Variants in LY75 observed in about 807,000 individuals in gnomAD.
LY75 encodes C-type lectin domain family 13 member B.
LY75 carries 185 observed loss-of-function variants against 231.7 expected under a neutral mutation model. That is an observed-to-expected ratio of 0.80 (90% CI 0.71 to 0.90). The LOEUF is 0.90. Ranked by LOEUF, LY75 falls within the 40% of genes least tolerant of loss-of-function variation. The pLI, the probability that LY75 is intolerant of heterozygous loss-of-function variation, is 0.00. For missense variants in LY75, 1,947 were observed against 2,050.2 expected, an observed-to-expected ratio of 0.95 and a Z score of 0.97; for synonymous variants, 668 against 689.0, an observed-to-expected ratio of 0.97 and a Z score of 0.48.
chr2:159,904,108 A>G (rs1686162125), intron 1 of LY75, among the ~76,000 whole-genome samples: 1 of 148,374 alleles, frequency 6.7e-6, no homozygotes, highest in Admixed American at 6.7e-5. Context: ...CCGTAGGCGC[A>G]GTGAAATCCG....
At chr2:159,816,576 G>A (rs1560063445) in intron 30 of LY75, among the ~76,000 whole-genome samples, 1 of 152,156 alleles carries the variant, frequency 6.6e-6, no homozygotes, top group Non-Finnish European at 1.5e-5. Flanking sequence ...GTGTTGTTGA[G>A]ATAGTCATCC....
intron 16 of LY75, among the ~76,000 whole-genome samples, chr2:159,855,980 C>T (rs546412375): frequency 1.3e-5 from 2 of 152,270 alleles, no homozygotes; most frequent in South Asian, 2.1e-4. Context: ...CAGTTCTATT[C>T]GTATTGGATA....
At position 159,862,751 on chromosome 2, in the gene LY75, T is replaced by C. The variant is rs182986371; in HGVS notation, c.2200-1862A>G. 1.5e-3 allele frequency among the ~76,000 whole-genome samples: 227 copies of C among 152,302 alleles called. 2 individuals carry two copies. The highest frequency in any genetic ancestry group is 6.8e-3 in the Middle Eastern group (2 of 294). ...GATGTTTTGAAGTATATATACATTG[T>C]GGACTGACTAAATTTAGCTAATTAA... On this transcript the variant is annotated intron_variant, in intron 14 of 34. Transcript: ENST00000263636.
chr2:159,820,210 A>C (rs1683246222), intron 28 of LY75, among the ~76,000 whole-genome samples: 1 of 152,252 alleles, frequency 6.6e-6, no homozygotes, highest in South Asian at 2.1e-4. Flanking sequence ...TCATTATATG[A>C]AAAAGATACT....
chr2:159,890,150 CAGA>C (rs1402245693), intron 4 of LY75, 60 bp downstream of exon 4: 185 of 1,558,814 alleles, frequency 1.2e-4, no homozygotes, highest in Middle Eastern at 7.3e-4. Flanking sequence ...GATATGAAAA[CAGA>C]AGAAGAAGTA....
Position 159,807,131 on chromosome 2 carries a change from C to G in LY75, c.4832G>C (p.Trp1611Ser), listed in dbSNP as rs528543252. The change falls in exon 34 of 35, where the codon TGG (tryptophan) becomes TCG (serine). Residue 1611 changes from tryptophan (W) to serine (S), a missense_variant. Coordinates refer to ENST00000263636, the MANE Select transcript of LY75 (RefSeq NM_002349.4). Reference sequence around the variant, plus strand: ...CACTTCTGATCCATCTAACCAACTCCAAGACTGGTCTGAAGAAAGAAATTA... The same window carrying G: ...CACTTCTGATCCATCTAACCAACTCGAAGACTGGTCTGAAGAAAGAAATTA... ...GLSQHSVDQS[W>S]SWLDGSEVTF... is the part of the protein sequence containing the mutation. 9.9e-5 allele frequency: 160 copies of G among 1,610,460 alleles called. No individual in the cohort carries two copies. Among genetic ancestry groups the G allele is most frequent in the Non-Finnish European group, 1.2e-4 (146 of 1,178,520 alleles).
chr2:159,876,320 T>C (rs1685266462), intron 11 of LY75, among the ~76,000 whole-genome samples: 1 of 152,182 alleles, frequency 6.6e-6, no homozygotes, highest in Non-Finnish European at 1.5e-5. Context: ...AAACATCATG[T>C]TCCATTTTCC....
intron 23 of LY75, among the ~76,000 whole-genome samples, chr2:159,849,427 C>T (rs1684313467): frequency 6.6e-6 from 1 of 152,166 alleles, no homozygotes; most frequent in African/African-American, 2.4e-5. Flanking sequence ...TCACCAGTTA[C>T]CAATTTTGTA....
At chr2:159,890,723 C>T (rs974179223) in intron 3 of LY75, among the ~76,000 whole-genome samples, 4 of 152,092 alleles carry the variant, frequency 2.6e-5, no homozygotes, top group Non-Finnish European at 5.9e-5. Flanking sequence ...AAAACAAGCT[C>T]ATTTGAACAT....
intron 28 of LY75, among the ~76,000 whole-genome samples, chr2:159,821,080 C>T (rs1235647718): frequency 2.6e-5 from 4 of 152,114 alleles, no homozygotes. Context: ...TCTCATAATC[C>T]ATCCGCCTTG....
rs959727947 is a variant in LY75 at position 159,852,281 on chromosome 2, CATT to C, written c.2800_2802del (p.Asn934del). Reference sequence around the variant, plus strand: ...GGGCTGTATTTCTCTAACGAAGAAACATTATATTTTTCACAGATGAAGGGCAAC... The same window carrying C: ...GGGCTGTATTTCTCTAACGAAGAAACATATTTTTCACAGATGAAGGGCAAC... On this transcript the variant is annotated inframe_deletion, in exon 21 of 35. Coordinates refer to ENST00000263636, the MANE Select transcript of LY75 (RefSeq NM_002349.4). 6.2e-7 allele frequency: 1 copy of C among 1,613,984 alleles called. No homozygotes were observed. Among genetic ancestry groups the C allele is most frequent in the Non-Finnish European group, 8.5e-7 (1 of 1,179,948 alleles).
chr2:159,813,337 T>G (rs73967927), intron 31 of LY75, among the ~76,000 whole-genome samples: 9,725 of 152,024 alleles, frequency 0.064, 998 homozygotes, highest in African/African-American at 0.22. Flanking sequence ...GTTTTGTTTT[T>G]TTTTTTTTTG....
At chr2:159,874,285 A>AATATATATAAATAT (rs1184866924) in intron 12 of LY75, among the ~76,000 whole-genome samples, 10 of 44,394 alleles carry the variant, frequency 2.3e-4, no homozygotes, top group African/African-American at 6.0e-4. Context: ...ATATATTGTA[A>AATATATATAAATAT]ATATATGTTT....
Position 159,840,035 on chromosome 2 carries a change from GA to G in LY75, c.3507+693del, listed in dbSNP as rs1478479312. Among the ~76,000 whole-genome samples, 3 of 88,758 alleles carry G rather than the reference GA, an allele frequency of 3.4e-5. No homozygotes were observed. The Admixed American group carries it at 3.8e-4, about 11-fold the overall frequency. The allele number at this position is 88,758 out of a possible 152,430, so 58.2% of individuals were successfully genotyped here. A position where few individuals can be genotyped will look rare whatever the true frequency, so the allele number is the denominator to read the frequency against. On this transcript the variant is annotated intron_variant, in intron 25 of 34. Coordinates refer to ENST00000263636, the MANE Select transcript of LY75 (RefSeq NM_002349.4). Reference sequence around the variant, plus strand: ...AAAAAAAAAAGAAAAAGAAAAAAGAGAAAGGGATGGAAAGGACTCTTTAACA... The same window carrying G: ...AAAAAAAAAAGAAAAAGAAAAAAGAGAAGGGATGGAAAGGACTCTTTAACA...
chr2:159,847,173 G>A (rs778675713), intron 23 of LY75, among the ~76,000 whole-genome samples: 21 of 152,064 alleles, frequency 1.4e-4, no homozygotes, highest in Admixed American at 5.2e-4. Flanking sequence ...TGCCATGCCC[G>A]GTTAATTTTT....
chr2:159,850,386 A>T lies in LY75; in HGVS notation c.2965T>A (p.Ser989Thr). 6.2e-7 allele frequency: 1 copy of T among 1,613,700 alleles called. No homozygotes were observed. Among genetic ancestry groups the T allele is most frequent in the South Asian group, 1.1e-5 (1 of 91,062 alleles). ...TCHSYGGTLP[S>T]VLSQIEQDFI... ...CCTTGTTCAATCTGGCTCAACACTG[A>T]AGGAAGGGTGCCACCATAGGAGTGA... Residue 989 changes from serine (S) to threonine (T), a missense_variant, in exon 22 of 35, where the codon TCA becomes ACA. Physicochemically the swap from Ser to Thr is moderately conservative, Grantham distance 58. Transcript: ENST00000263636.
intron 28 of LY75, among the ~76,000 whole-genome samples, chr2:159,829,686 C>A: frequency 6.6e-6 from 1 of 152,086 alleles, no homozygotes; most frequent in East Asian, 1.9e-4. Context: ...CAGTAACTTA[C>A]AGATGTAAAT....
At chr2:159,827,703 A>G (rs1683515935) in intron 28 of LY75, among the ~76,000 whole-genome samples, 1 of 152,246 alleles carries the variant, frequency 6.6e-6, no homozygotes, top group South Asian at 2.1e-4. Flanking sequence ...ACTTGGAACC[A>G]ACCCAAATGT....
At chr2:159,872,744 A>G in intron 12 of LY75, 151 bp from the exon 13 acceptor site, 1 of 835,044 alleles carries the variant, frequency 1.2e-6, no homozygotes, top group Non-Finnish European at 1.8e-6. Flanking sequence ...ACTGAGACAC[A>G]GACAGGTCCT....
Sources: gnomAD v4.1 joint callset for allele counts (sites outside exome capture counted in the v4.1 genomes callset) on GRCh38, gnomAD v4.1.1 for gene constraint, MANE v1.5 for transcripts, NCBI Gene and HGNC (gene_info 2026-07-23, HGNC 2026-07-21) for gene names.